PPP2R2A: variants seen among roughly 807,000 people sequenced by gnomAD.
The protein encoded by PPP2R2A is protein phosphatase 2 regulatory subunit Balpha.
Under a neutral mutation model 53.2 loss-of-function variants are expected in PPP2R2A, and 9 were observed. That is an observed-to-expected ratio of 0.17 (90% confidence interval 0.10 to 0.30). The LOEUF is 0.30. Ranked by LOEUF, PPP2R2A falls within the 10% of genes least tolerant of loss-of-function variation. The pLI is 1.00. For missense variants in PPP2R2A, 235 were observed against 534.6 expected, an observed-to-expected ratio of 0.44 and a Z score of 5.53; for synonymous variants, 169 against 174.2, an observed-to-expected ratio of 0.97 and a Z score of 0.23.
Position 26,291,575 on chromosome 8 carries a change from T to TCGTAGTCGCCGCCGCCGCTGC in PPP2R2A, c.-242_-222dup. The stretch of plus-strand genomic sequence containing the variant: ...GCCGCTGCCGCCGCCGCCGTCGCTG[T>TCGTAGTCGCCGCCGCCGCTGC]CGTAGTCGCCGCCGCCGCTGCCGGA... On this transcript the variant is annotated 5_prime_UTR_variant, in exon 1 of 10. Coordinates refer to ENST00000380737, the MANE Select transcript of PPP2R2A (RefSeq NM_002717.4). 1.8e-6 allele frequency: 1 copy of TCGTAGTCGCCGCCGCCGCTGC among 546,916 alleles called. No homozygotes were observed. The allele number at this position is 546,916 out of a possible 1,614,324, so 33.9% of individuals were successfully genotyped here. A position where few individuals can be genotyped will look rare whatever the true frequency, so the allele number is the denominator to read the frequency against.
chr8:26,360,843 A>G lies in PPP2R2A; in HGVS notation c.460-131A>G, dbSNP rs1805046233. 1 of 854,312 alleles carries G rather than the reference A, an allele frequency of 1.2e-6. No individual in the cohort carries two copies. Among genetic ancestry groups the G allele is most frequent in the Admixed American group, 3.7e-5 (1 of 27,128 alleles). 52.9% of individuals were successfully genotyped at this position (854,312 alleles called of 1,614,324 possible). Reference sequence around the variant, plus strand: ...AAAGGATCAACATCAGTTGCTTTTTAAAACTAAATCTATGTAATATTGTTC... The same window carrying G: ...AAAGGATCAACATCAGTTGCTTTTTGAAACTAAATCTATGTAATATTGTTC... On this transcript the variant is annotated intron_variant, in intron 5 of 9. Transcript: ENST00000380737. This position sits in a 1 kb window ranked among gnomAD's most constrained non-coding sequence, Gnocchi z 4.5.
intron 8 of PPP2R2A, among the ~76,000 whole-genome samples, chr8:26,364,489 A>AAGTACACAGCCTGGAACAGGGTGAGGGAC (rs1805267860): frequency 6.6e-6 from 1 of 152,198 alleles, no homozygotes; most frequent in Non-Finnish European, 1.5e-5. Context: ...GAAGAGAATG[A>AAGTACACAGCCTGGAACAGGGTGAGGGAC]AGTACACAGC....
At chr8:26,327,103 A>G (rs989972341) in intron 2 of PPP2R2A, among the ~76,000 whole-genome samples, 5 of 152,176 alleles carry the variant, frequency 3.3e-5, no homozygotes, top group Non-Finnish European at 7.4e-5. Flanking sequence ...AAGATCCTTC[A>G]GCCCTTGGAA....
intron 2 of PPP2R2A, among the ~76,000 whole-genome samples, chr8:26,332,285 C>T (rs970483273): frequency 6.7e-6 from 1 of 149,562 alleles, no homozygotes; most frequent in South Asian, 2.1e-4. Flanking sequence ...TGTTTCAACC[C>T]GGGAGGCAGA....
At chr8:26,330,029 C>T (rs568111511) in intron 2 of PPP2R2A, among the ~76,000 whole-genome samples, 3 of 152,218 alleles carry the variant, frequency 2.0e-5, no homozygotes, top group Admixed American at 6.5e-5. Flanking sequence ...CAAATAGTCC[C>T]GCCCTGCCCC....
chr8:26,332,053 A>G (rs534502468), intron 2 of PPP2R2A, among the ~76,000 whole-genome samples: 1 of 152,278 alleles, frequency 6.6e-6, no homozygotes, highest in African/African-American at 2.4e-5. Flanking sequence ...TATAAATCAG[A>G]TGGTTAAAAA....
Position 26,345,797 on chromosome 8 carries a change from G to A in PPP2R2A, c.180+6810G>A, listed in dbSNP as rs185846544. On this transcript the variant is annotated intron_variant, in intron 3 of 9. Coordinates refer to ENST00000380737, the MANE Select transcript of PPP2R2A (RefSeq NM_002717.4). ...TCATTGGATTTTGGTTTTACTTTACGCCTTAATACTCCCAATAATTAAAGC... is the reference window on the plus strand; with the variant it reads ...TCATTGGATTTTGGTTTTACTTTACACCTTAATACTCCCAATAATTAAAGC... Among the ~76,000 whole-genome samples, 118 of 152,104 alleles carry A rather than the reference G, an allele frequency of 7.8e-4. 1 individual carries two copies. The highest frequency in any genetic ancestry group is 1.1e-3 in the Non-Finnish European group (76 of 68,004).
intron 2 of PPP2R2A, among the ~76,000 whole-genome samples, chr8:26,300,131 A>C (rs1212373604): frequency 6.6e-6 from 1 of 152,186 alleles, no homozygotes; most frequent in Non-Finnish European, 1.5e-5. Flanking sequence ...TTGACAAAAA[A>C]TTATGAGAGA....
intron 2 of PPP2R2A, among the ~76,000 whole-genome samples, chr8:26,330,984 T>A (rs1585366502): frequency 6.6e-6 from 1 of 152,214 alleles, no homozygotes; most frequent in East Asian, 1.9e-4. Context: ...GAACTCTACC[T>A]GCTGGTGGGG....
Position 26,360,767 on chromosome 8 carries a change from C to T in PPP2R2A, c.460-207C>T. On this transcript the variant is annotated intron_variant, in intron 5 of 9. Transcript: ENST00000380737. This position sits in a 1 kb window ranked among gnomAD's most constrained non-coding sequence, Gnocchi z 4.5. ...CTGCAAATTCTAATAGTATTGCAACCAGTAAAAGAAGATATATTATCCACA... is the reference window on the plus strand; with the variant it reads ...CTGCAAATTCTAATAGTATTGCAACTAGTAAAAGAAGATATATTATCCACA... 1 of 491,820 alleles carries T rather than the reference C, an allele frequency of 2.0e-6. No individual in the cohort carries two copies. Among genetic ancestry groups the T allele is most frequent in the East Asian group, 3.5e-5 (1 of 28,364 alleles). 30.5% of individuals were successfully genotyped at this position (491,820 alleles called of 1,614,324 possible). A position where few individuals can be genotyped will look rare whatever the true frequency, so the allele number is the denominator to read the frequency against.
intron 2 of PPP2R2A, chr8:26,333,636 C>A: frequency 1.3e-6 from 1 of 747,794 alleles, no homozygotes; most frequent in Non-Finnish European, 1.7e-6. Context: ...ATTTGTTACA[C>A]CCATTTATAT....
chr8:26,341,445 T>C (rs1296566011), intron 3 of PPP2R2A, among the ~76,000 whole-genome samples: 1 of 152,212 alleles, frequency 6.6e-6, no homozygotes, highest in East Asian at 1.9e-4. Flanking sequence ...TGTAATTGAA[T>C]GAGATTTTAT....
intron 3 of PPP2R2A, among the ~76,000 whole-genome samples, chr8:26,341,694 G>T (rs1039810360): frequency 1.1e-4 from 16 of 152,292 alleles, no homozygotes; most frequent in African/African-American, 3.4e-4. Context: ...AGCCTTGTTT[G>T]CAGAATACAC....
intron 2 of PPP2R2A, among the ~76,000 whole-genome samples, chr8:26,301,063 G>A (rs1437610397): frequency 6.6e-6 from 1 of 152,064 alleles, no homozygotes; most frequent in African/African-American, 2.4e-5. Flanking sequence ...GATACTGGTG[G>A]GAAAGTTAAT....
chr8:26,325,965 A>G (rs1803066385), intron 2 of PPP2R2A, among the ~76,000 whole-genome samples: 1 of 152,094 alleles, frequency 6.6e-6, no homozygotes, highest in African/African-American at 2.4e-5. Flanking sequence ...CCCCACAAGT[A>G]ACTGAGACTA....
chr8:26,360,274 C>T lies in PPP2R2A; in HGVS notation c.452C>T (p.Thr151Ile), dbSNP rs1356649027. 1 of 1,579,876 alleles carries T rather than the reference C, an allele frequency of 6.3e-7. No individual in the cohort carries two copies. Among genetic ancestry groups the T allele is most frequent in the Admixed American group, 1.7e-5 (1 of 58,334 alleles). The change falls in exon 5 of 10, where the codon ACA (threonine) becomes ATA (isoleucine). Residue 151 changes from threonine to isoleucine, a missense_variant. Around this residue, in one of 3 missense-constraint regions of PPP2R2A, gnomAD observed 181 missense variants for 409.9 expected, o/e 0.44. Coordinates refer to ENST00000380737, the MANE Select transcript of PPP2R2A (RefSeq NM_002717.4). This position sits in a 1 kb window ranked among gnomAD's most constrained non-coding sequence, Gnocchi z 4.5. ...TATAGAGATCCTACTACAGTTACTA[C>T]ACTACGAGTAAGTACATAAGAAAAA... Reference protein sequence around the residue: ...GRYRDPTTVTTLRVPVFRPMD... With the variant: ...GRYRDPTTVTILRVPVFRPMD...
intron 2 of PPP2R2A, among the ~76,000 whole-genome samples, chr8:26,326,957 G>T (rs1027818275): frequency 1.3e-5 from 2 of 152,180 alleles, no homozygotes. Context: ...GGTTGCAGTA[G>T]GATATGATTC....
At chr8:26,364,932 C>T (rs185081075) in intron 8 of PPP2R2A, among the ~76,000 whole-genome samples, 26 of 152,254 alleles carry the variant, frequency 1.7e-4, no homozygotes, top group Admixed American at 1.6e-3. Context: ...TTGGGTATAC[C>T]TGGGGTTCTT....
At chr8:26,357,476 A>T (rs1804849837) in intron 4 of PPP2R2A, among the ~76,000 whole-genome samples, 1 of 152,196 alleles carries the variant, frequency 6.6e-6, no homozygotes, top group African/African-American at 2.4e-5. Context: ...TAGTCACCTT[A>T]TAACTTGAGT....
Sources: gnomAD v4.1 joint callset for allele counts (sites outside exome capture counted in the v4.1 genomes callset) on GRCh38, gnomAD v4.1.1 for gene constraint, gnomAD v4.1.1 regional missense constraint, Gnocchi (gnomAD v3.1) non-coding constraint, MANE v1.5 for transcripts, NCBI Gene and HGNC (gene_info 2026-07-23, HGNC 2026-07-21) for gene names.